The following SHANK2 variants were observed in gnomAD, a reference collection of about 807,000 sequenced individuals.
SHANK2 encodes the protein SH3 and multiple ankyrin repeat domains protein 2.
A neutral mutation model predicts 133.7 loss-of-function variants in SHANK2; 43 were observed. The observed-to-expected ratio is 0.32, with a 90% CI of 0.25 to 0.41. The LOEUF is 0.41. Among genes scored for constraint, SHANK2 ranks in the 10% least tolerant of loss-of-function variants. The pLI, the probability that SHANK2 is intolerant of heterozygous loss-of-function variation, is 1.00. For synonymous variants in SHANK2, 1,017 were observed against 952.8 expected, an observed-to-expected ratio of 1.07 and a Z score of -1.24; for missense variants, 1,994 against 2,235.8, an observed-to-expected ratio of 0.89 and a Z score of 2.18.
At chr11:70,493,233 T>G (rs1160676909) in intron 21 of SHANK2, among the ~76,000 whole-genome samples, 2 of 150,796 alleles carry the variant, frequency 1.3e-5, no homozygotes, top group African/African-American at 4.9e-5. Context: ...TAACTGTGAT[T>G]GCCAAGACAT....
At chr11:70,755,223 C>T (rs1343620838) in intron 14 of SHANK2, among the ~76,000 whole-genome samples, 1 of 152,152 alleles carries the variant, frequency 6.6e-6, no homozygotes, top group Non-Finnish European at 1.5e-5. Flanking sequence ...AGGTGGCCAC[C>T]ACCACACTCA....
intron 10 of SHANK2, among the ~76,000 whole-genome samples, chr11:70,928,889 G>A (rs1555082054): frequency 6.6e-6 from 1 of 152,134 alleles, no homozygotes. Flanking sequence ...ACGGTAGGGG[G>A]TGACCTGAAA....
At chr11:70,533,492 C>T (rs1470422800) in intron 17 of SHANK2, among the ~76,000 whole-genome samples, 2 of 152,148 alleles carry the variant, frequency 1.3e-5, no homozygotes, top group Non-Finnish European at 2.9e-5. Flanking sequence ...GAATGTCCAA[C>T]CTAGCTCCAA....
Position 70,473,067 on chromosome 11 carries a change from G to T in SHANK2, c.5352C>A (p.His1784Gln). 6.2e-7 allele frequency: 1 copy of T among 1,614,246 alleles called. No homozygotes were observed. The highest frequency in any genetic ancestry group is 1.7e-5 in the Admixed American group (1 of 60,032). The change falls in exon 26 of 26, where the codon CAC becomes CAA. Residue 1784 changes from histidine (H) to glutamine (Q), a missense_variant. His to Gln is a conservative substitution (Grantham distance 24, BLOSUM62 0). Around this residue, in one of 5 missense-constraint regions of SHANK2, gnomAD observed 797 missense variants for 907.4 expected, o/e 0.88. Transcript: ENST00000601538. The surrounding 1 kb of genome is among the most constrained non-coding windows in gnomAD (Gnocchi z 5.9). The part of the protein sequence containing the change: ...SNKPFTTKPV[H>Q]LWTKPDVADW... ...CGGCCACATCTGGTTTAGTCCACAG[G>T]TGGACAGGTTTAGTTGTAAAAGGCT...
intron 2 of SHANK2, among the ~76,000 whole-genome samples, chr11:71,171,898 G>A (rs782483932): frequency 6.6e-6 from 1 of 151,450 alleles, no homozygotes; most frequent in Non-Finnish European, 1.5e-5. Flanking sequence ...TGGGGGTCAC[G>A]GCTTCCACGG....
intron 14 of SHANK2, among the ~76,000 whole-genome samples, chr11:70,766,636 T>C (rs1316212758): frequency 4.6e-5 from 7 of 152,174 alleles, no homozygotes; most frequent in Non-Finnish European, 1.0e-4. Context: ...AATAGAGCAG[T>C]GTACGTGGAT....
At chr11:70,512,537 G>A (rs1297921058) in intron 17 of SHANK2, among the ~76,000 whole-genome samples, 1 of 152,082 alleles carries the variant, frequency 6.6e-6, no homozygotes, top group East Asian at 1.9e-4. Flanking sequence ...TTTGTTGGTC[G>A]GTTTTTCTAT....
At chr11:70,790,132 G>A (rs1366160996) in intron 14 of SHANK2, among the ~76,000 whole-genome samples, 5 of 152,156 alleles carry the variant, frequency 3.3e-5, no homozygotes, top group South Asian at 2.1e-4. Flanking sequence ...ACATCAACAG[G>A]GGCACCCCTG....
intron 15 of SHANK2, among the ~76,000 whole-genome samples, chr11:70,697,875 T>C (rs1284537075): frequency 6.6e-6 from 1 of 152,156 alleles, no homozygotes; most frequent in Non-Finnish European, 1.5e-5. Context: ...CCCCGGGGCC[T>C]GCACCTGCAC....
intron 3 of SHANK2, 35 bp downstream of exon 3, chr11:71,147,085 C>A: frequency 6.6e-7 from 1 of 1,515,034 alleles, no homozygotes; most frequent in South Asian, 1.2e-5. Context: ...TGACATTGTC[C>A]AGATGTGAAC....
At chr11:71,155,435 C>A (rs1952889361) in intron 2 of SHANK2, among the ~76,000 whole-genome samples, 1 of 150,670 alleles carries the variant, frequency 6.6e-6, no homozygotes, top group African/African-American at 2.4e-5. Flanking sequence ...TACCCCCGCC[C>A]ACGCTCCCAG....
chr11:70,896,128 G>A (rs1949931024), intron 11 of SHANK2, among the ~76,000 whole-genome samples: 1 of 152,152 alleles, frequency 6.6e-6, no homozygotes, highest in Admixed American at 6.5e-5. Flanking sequence ...ACATACATCA[G>A]ATAGGGAATC....
intron 17 of SHANK2, among the ~76,000 whole-genome samples, chr11:70,597,824 G>T (rs1554989892): frequency 6.6e-6 from 1 of 152,210 alleles, no homozygotes; most frequent in Non-Finnish European, 1.5e-5. Flanking sequence ...GGTGAGCTGA[G>T]ATCGCACCAC....
At chr11:70,858,213 C>T (rs555805995) in intron 11 of SHANK2, among the ~76,000 whole-genome samples, 1 of 152,198 alleles carries the variant, frequency 6.6e-6, no homozygotes, top group Non-Finnish European at 1.5e-5. Context: ...GTTCATAATC[C>T]ATTTTAAATG....
At chr11:70,602,976 T>TGTCGTGGCA in intron 17 of SHANK2, among the ~76,000 whole-genome samples, 1 of 152,218 alleles carries the variant, frequency 6.6e-6, no homozygotes, top group South Asian at 2.1e-4. Flanking sequence ...CAGAGCATAC[T>TGTCGTGGCA]GCTGGCCCGT....
At chr11:71,162,172 C>A (rs371413343) in intron 2 of SHANK2, among the ~76,000 whole-genome samples, 2 of 152,196 alleles carry the variant, frequency 1.3e-5, no homozygotes, top group African/African-American at 4.8e-5. Flanking sequence ...ATACCATAGG[C>A]TGGGTTATTT....
Position 70,487,465 on chromosome 11 carries a change from G to T in SHANK2, c.2828C>A (p.Thr943Asn). The change falls in exon 25 of 26, where the codon ACC (threonine) becomes AAC (asparagine). Residue 943 changes from threonine to asparagine, a missense_variant. Around this residue, in one of 5 missense-constraint regions of SHANK2, gnomAD observed 488 missense variants for 642.6 expected, o/e 0.76. Transcript: ENST00000601538. This position sits in a 1 kb window ranked among gnomAD's most constrained non-coding sequence, Gnocchi z 5.8. ...GTACATCCCCTTCTCCCTCATCATGGTGGCCACGGTGTCGGACCTGGTGGC... is the reference window on the plus strand; with the variant it reads ...GTACATCCCCTTCTCCCTCATCATGTTGGCCACGGTGTCGGACCTGGTGGC... ...SPATRSDTVA[T>N]MMREKGMYFR... is the part of the protein sequence containing the mutation. The T allele has an allele frequency of 6.2e-7, 1 of 1,614,024 alleles. No homozygotes were observed. Among genetic ancestry groups the T allele is most frequent in the South Asian group, 1.1e-5 (1 of 91,064 alleles).
At chr11:70,554,059 C>T (rs1254331600) in intron 17 of SHANK2, among the ~76,000 whole-genome samples, 11 of 152,242 alleles carry the variant, frequency 7.2e-5, no homozygotes, top group African/African-American at 2.4e-4. Flanking sequence ...CTGGGGATGA[C>T]AACCTTGCTT....
rs116714092 is a variant in SHANK2, at chr11:70,502,367, G to A, written c.2198-81C>T. 2,152 of 1,354,658 alleles carry A rather than the reference G, an allele frequency of 1.6e-3. 26 individuals are homozygous for A. The African/African-American group carries it at 0.027, about 17-fold the overall frequency. 83.9% of individuals were successfully genotyped at this position (1,354,658 alleles called of 1,614,324 possible). ...GAATAAGGCTAGCAGTGGCCCTGTG[G>A]CTGGCAGGTGGGTCTCAGGCTGTTT... On this transcript the variant is annotated intron_variant, in intron 18 of 25. Coordinates refer to ENST00000601538, the MANE Select transcript of SHANK2 (RefSeq NM_012309.5).
Sources: allele counts gnomAD v4.1 joint callset (sites outside exome capture counted in the v4.1 genomes callset), GRCh38; gene constraint gnomAD v4.1.1; regional missense constraint gnomAD v4.1.1; non-coding constraint Gnocchi (gnomAD v3.1); transcripts MANE v1.5; gene names NCBI Gene and HGNC (gene_info 2026-07-23, HGNC 2026-07-21).